The following EPC1 variants were observed in gnomAD, a reference collection of about 807,000 sequenced individuals.
EPC1 encodes enhancer of polycomb homolog 1.
EPC1 carries 12 observed loss-of-function variants against 98.4 expected under a neutral mutation model. The ratio of observed to expected loss-of-function variants is 0.12; its 90% CI spans 0.08 to 0.20. EPC1 has a LOEUF of 0.20. Ranked by LOEUF, EPC1 falls within the 10% of genes least tolerant of loss-of-function variation. The pLI is 1.00. For missense variants in EPC1, 729 were observed against 990.5 expected, an observed-to-expected ratio of 0.74 and a Z score of 3.54; for synonymous variants, 357 against 363.9, an observed-to-expected ratio of 0.98 and a Z score of 0.21.
At chr10:32,282,139 T>C (rs1349444408) in intron 10 of EPC1, 2 of 152,164 alleles carry the variant, frequency 1.3e-5, no homozygotes, top group Non-Finnish European at 2.9e-5. Flanking sequence ...AGTCTGTAGG[T>C]ATCTATCCTC....
In EPC1 at chr10:32,291,299, C is replaced by A. The variant is rs781668022; in HGVS notation, c.839G>T (p.Gly280Val). Residue 280 changes from glycine (G) to valine (V), a missense_variant, in exon 6 of 14, where the codon GGA becomes GTA. Physicochemically the swap from Gly to Val is moderately radical, Grantham distance 109 (BLOSUM62 -3). This residue lies in a region of EPC1 where 390 missense variants were observed against 438.6 expected (regional missense o/e 0.89). Coordinates refer to ENST00000319778, the MANE Select transcript of EPC1 (RefSeq NM_001272004.3). ...TGCCATAACCTCAGACATGATCTCTCCATTGTAGTCGCCCAAATTATACCT... is the reference window on the plus strand; with the variant it reads ...TGCCATAACCTCAGACATGATCTCTACATTGTAGTCGCCCAAATTATACCT... ...EKRYNLGDYN[G>V]EIMSEVMAQR... 1.2e-6 allele frequency: 2 copies of A among 1,610,972 alleles called. No individual in the cohort carries two copies. Among genetic ancestry groups the A allele is most frequent in the East Asian group, 4.5e-5 (2 of 44,848 alleles).
At chr10:32,269,945 G>A (rs1440400569) in intron 13 of EPC1, among the ~76,000 whole-genome samples, 2 of 152,132 alleles carry the variant, frequency 1.3e-5, no homozygotes, top group Non-Finnish European at 2.9e-5. Context: ...AAGTGCTCCA[G>A]GAATCTGGAA....
At chr10:32,361,974 C>T (rs2133103769) in intron 1 of EPC1, among the ~76,000 whole-genome samples, 1 of 152,308 alleles carries the variant, frequency 6.6e-6, no homozygotes, top group Middle Eastern at 3.4e-3. Context: ...ACACTCCCAC[C>T]AGCATCAGGA....
intron 9 of EPC1, 154 bp from the exon 10 acceptor site, chr10:32,285,204 T>C (rs543604707): frequency 1.7e-6 from 1 of 573,238 alleles, no homozygotes; most frequent in Non-Finnish European, 3.0e-6. Flanking sequence ...TTGGTTTTTA[T>C]AGGCTACAAC....
upstream of EPC1, chr10:32,347,199 G>C (rs1264768267): frequency 8.1e-7 from 1 of 1,232,548 alleles, no homozygotes; most frequent in Admixed American, 4.2e-5. Context: ...ACACTGCATC[G>C]CGCAGCGGCG....
chr10:32,370,301 A>T (rs944481689), intron 1 of EPC1, among the ~76,000 whole-genome samples: 1 of 152,100 alleles, frequency 6.6e-6, no homozygotes, highest in Non-Finnish European at 1.5e-5. Flanking sequence ...TAGGAGATGG[A>T]TAGTAGGTTT....
At chr10:32,320,068 G>C (rs11008878) in intron 1 of EPC1, among the ~76,000 whole-genome samples, 18 of 152,120 alleles carry the variant, frequency 1.2e-4, no homozygotes, top group Non-Finnish European at 1.5e-5. Context: ...ATATGAGAAA[G>C]AGAATAAAGC....
chr10:32,278,811 G>A (rs1836244988), intron 10 of EPC1, among the ~76,000 whole-genome samples: 1 of 152,076 alleles, frequency 6.6e-6, no homozygotes, highest in South Asian at 2.1e-4. Flanking sequence ...AGCCTTATCA[G>A]CCATCTAGCA....
At chr10:32,273,800 A>G (rs1835952884) in intron 10 of EPC1, 1 of 152,192 alleles carries the variant, frequency 6.6e-6, no homozygotes, top group South Asian at 2.1e-4. Flanking sequence ...GCTCTATATG[A>G]AAGATTACAG....
chr10:32,316,107 C>T (rs1344248690), intron 1 of EPC1, among the ~76,000 whole-genome samples: 2 of 152,168 alleles, frequency 1.3e-5, no homozygotes, highest in Admixed American at 1.3e-4. Flanking sequence ...GTTTTTGTTT[C>T]AATGTCATCT....
Position 32,293,210 on chromosome 10 carries a change from TTA to T in EPC1, c.460-18_460-17del. The T allele has an allele frequency of 1.9e-6, 3 of 1,582,700 alleles. No individual in the cohort carries two copies. Among genetic ancestry groups the T allele is most frequent in the Non-Finnish European group, 2.6e-6 (3 of 1,155,030 alleles). On this transcript the variant is annotated splice_polypyrimidine_tract_variant and intron_variant, in intron 3 of 13. Transcript: ENST00000319778. ...GACTGACTGGCTAAATGTAAAACCA[TTA>T]TGTCATTTTCATACAATACACATAC...
At chr10:32,279,827 A>T (rs896194046) in intron 10 of EPC1, among the ~76,000 whole-genome samples, 3 of 152,236 alleles carry the variant, frequency 2.0e-5, no homozygotes, top group African/African-American at 7.2e-5. Context: ...GTATTTGGAA[A>T]CTGTCCAAAA....
At chr10:32,279,859 T>C (rs188352559) in intron 10 of EPC1, among the ~76,000 whole-genome samples, 1 of 152,276 alleles carries the variant, frequency 6.6e-6, no homozygotes, top group South Asian at 2.1e-4. Context: ...CTGAAGATTA[T>C]TAAAAATATA....
At chr10:32,373,841 T>C (rs1188286674) in intron 1 of EPC1, among the ~76,000 whole-genome samples, 4 of 152,222 alleles carry the variant, frequency 2.6e-5, no homozygotes, top group Admixed American at 6.5e-5. Flanking sequence ...AACCTAGAAC[T>C]CACTTGCCAC....
intron 2 of EPC1, among the ~76,000 whole-genome samples, chr10:32,295,881 A>G (rs1835122945): frequency 6.6e-6 from 1 of 152,080 alleles, no homozygotes; most frequent in East Asian, 1.9e-4. Context: ...AATAATCCAG[A>G]AAGCCAAATT....
chr10:32,326,000 A>G (rs1043717564), intron 1 of EPC1, among the ~76,000 whole-genome samples: 7 of 152,210 alleles, frequency 4.6e-5, no homozygotes, highest in Non-Finnish European at 1.0e-4. Context: ...TAGTAGGAAG[A>G]AGGATAAAGA....
chr10:32,374,306 A>C (rs1299866470), intron 1 of EPC1: 1 of 152,168 alleles, frequency 6.6e-6, no homozygotes, highest in African/African-American at 2.4e-5. Flanking sequence ...TTCACAGTTT[A>C]TATTTACCAT....
intron 1 of EPC1, among the ~76,000 whole-genome samples, chr10:32,365,012 T>C (rs574418453): frequency 3.3e-5 from 5 of 151,986 alleles, no homozygotes; most frequent in African/African-American, 1.2e-4. Flanking sequence ...AAAGATTGGA[T>C]ACCCCTGGTT....
chr10:32,349,033 T>C (rs562502969), upstream of EPC1, among the ~76,000 whole-genome samples: 33 of 152,364 alleles, frequency 2.2e-4, 1 homozygote, highest in South Asian at 6.6e-3. Context: ...AGTCATTAGA[T>C]AGCAGTCACT....
Sources: allele counts gnomAD v4.1 joint callset (sites outside exome capture counted in the v4.1 genomes callset), GRCh38; gene constraint gnomAD v4.1.1; regional missense constraint gnomAD v4.1.1; transcripts MANE v1.5; gene names NCBI Gene and HGNC (gene_info 2026-07-23, HGNC 2026-07-21).